SLC38A4: variants seen among roughly 807,000 people sequenced by gnomAD.
SLC38A4 encodes sodium-coupled neutral amino acid transporter 4.
A neutral mutation model predicts 63.1 loss-of-function variants in SLC38A4; 20 were observed. The ratio of observed to expected loss-of-function variants is 0.32; its 90% CI spans 0.22 to 0.46. The LOEUF (loss-of-function observed/expected upper bound fraction) is 0.46. Among genes scored for constraint, SLC38A4 ranks in the 20% least tolerant of loss-of-function variants. The pLI, the probability that SLC38A4 is intolerant of heterozygous loss-of-function variation, is 1.00. For missense variants in SLC38A4, 526 were observed against 663.6 expected, an observed-to-expected ratio of 0.79 and a Z score of 2.28; for synonymous variants, 230 against 225.5, an observed-to-expected ratio of 1.02 and a Z score of -0.18.
chr12:46,812,122 A>G (rs571923658), intron 1 of SLC38A4, among the ~76,000 whole-genome samples: 71 of 152,130 alleles, frequency 4.7e-4, no homozygotes, highest in African/African-American at 1.6e-3. Context: ...TTCCTTAATT[A>G]TTTCTTAATA....
At position 46,825,355 on chromosome 12, in the gene SLC38A4, A is replaced by G. The variant is rs528858435; in HGVS notation, c.-305+548T>C. 1.8e-4 allele frequency among the ~76,000 whole-genome samples: 27 copies of G among 150,312 alleles called. No homozygotes were observed. The East Asian group carries it at 5.1e-3, about 28-fold the overall frequency. ...TTCCTTACAGATGCCTCTGTACAGA[A>G]AGAATAATGAAATATAGCATAGTGG... On this transcript the variant is annotated intron_variant, in intron 1 of 16. Coordinates refer to ENST00000266579, the MANE Select transcript of SLC38A4 (RefSeq NM_018018.5).
Position 46,778,562 on chromosome 12 carries a change from A to T in SLC38A4, c.932T>A (p.Val311Glu), listed in dbSNP as rs750201030. The stretch of plus-strand genomic sequence containing the variant: ...GTCATCACTATGAGCTTCATATTCT[A>T]CTCCACTGTCATGAAGAGAGCCCTT... The part of the protein sequence containing the change: ...QAKGSLHDSG[V>E]EYEAHSDDKC... Residue 311 changes from valine to glutamate, a missense_variant, in exon 11 of 17, where the codon GTA (valine) becomes GAA (glutamate). Physicochemically the swap from Val to Glu is moderately radical, Grantham distance 121 (BLOSUM62 -2). Coordinates refer to ENST00000266579, the MANE Select transcript of SLC38A4 (RefSeq NM_018018.5). 3.7e-6 allele frequency: 6 copies of T among 1,612,750 alleles called. No individual in the cohort carries two copies. Among genetic ancestry groups the T allele is most frequent in the Non-Finnish European group, 4.2e-6 (5 of 1,179,330 alleles).
At position 46,773,180 on chromosome 12, in the gene SLC38A4, C is replaced by T. The variant is rs561741645; in HGVS notation, c.1299+1869G>A. On this transcript the variant is annotated intron_variant, in intron 14 of 16. Transcript: ENST00000266579. Reference sequence around the variant, plus strand: ...CCCAGATCCTCAACCCAGCTGAATTCGTAGCACATGTCACCAAGGGAAAGA... The same window carrying T: ...CCCAGATCCTCAACCCAGCTGAATTTGTAGCACATGTCACCAAGGGAAAGA... 1.5e-4 allele frequency among the ~76,000 whole-genome samples: 23 copies of T among 152,178 alleles called. No individual in the cohort carries two copies. The East Asian group carries it at 2.3e-3, about 15-fold the overall frequency.
chr12:46,778,954 C>A (rs1283835418), intron 10 of SLC38A4, among the ~76,000 whole-genome samples, 178 bp from the exon 11 acceptor site: 2 of 151,894 alleles, frequency 1.3e-5, no homozygotes, highest in Non-Finnish European at 2.9e-5. Flanking sequence ...AGAGTTGGAG[C>A]TGTGATTGGC....
At chr12:46,811,503 T>C (rs1939339393) in intron 1 of SLC38A4, among the ~76,000 whole-genome samples, 1 of 151,972 alleles carries the variant, frequency 6.6e-6, no homozygotes, top group African/African-American at 2.4e-5. Flanking sequence ...TCTGAAAGAA[T>C]AGAAAACACC....
chr12:46,805,721 A>G (rs1426746455), intron 1 of SLC38A4, among the ~76,000 whole-genome samples: 1 of 152,096 alleles, frequency 6.6e-6, no homozygotes, highest in Non-Finnish European at 1.5e-5. Context: ...AGAGCTAATC[A>G]TCAGAATATG....
chr12:46,823,874 G>C (rs1939598098), intron 1 of SLC38A4, among the ~76,000 whole-genome samples: 1 of 152,154 alleles, frequency 6.6e-6, no homozygotes, highest in South Asian at 2.1e-4. Context: ...CAGTTTCAAG[G>C]TTTCTCATGC....
intron 1 of SLC38A4, among the ~76,000 whole-genome samples, chr12:46,822,781 G>T (rs1181536684): frequency 6.6e-6 from 1 of 152,154 alleles, no homozygotes; most frequent in African/African-American, 2.4e-5. Flanking sequence ...AAAATAGAAT[G>T]TTTGTATAGA....
chr12:46,780,191 G>C (rs1431603673), intron 7 of SLC38A4, among the ~76,000 whole-genome samples, 161 bp from the exon 8 acceptor site: 1 of 152,006 alleles, frequency 6.6e-6, no homozygotes, highest in East Asian at 1.9e-4. Context: ...TTCCAAGATA[G>C]ACATTTGACC....
intron 1 of SLC38A4, among the ~76,000 whole-genome samples, chr12:46,820,325 C>T (rs1939516795): frequency 6.6e-6 from 1 of 152,002 alleles, no homozygotes; most frequent in Non-Finnish European, 1.5e-5. Context: ...TTAAGAGCAA[C>T]TCTCCATTCC....
intron 1 of SLC38A4, among the ~76,000 whole-genome samples, chr12:46,804,341 G>A (rs1939188165): frequency 6.6e-6 from 1 of 151,646 alleles, no homozygotes; most frequent in Non-Finnish European, 1.5e-5. Flanking sequence ...AAATCTACTT[G>A]GCTCTCAACA....
intron 3 of SLC38A4, among the ~76,000 whole-genome samples, chr12:46,792,469 A>G (rs1484358994): frequency 6.6e-6 from 1 of 152,126 alleles, no homozygotes; most frequent in East Asian, 1.9e-4. Context: ...GGCAATTTAG[A>G]CACAGTAATG....
intron 2 of SLC38A4, among the ~76,000 whole-genome samples, chr12:46,801,334 T>A (rs1167301963): frequency 1.3e-5 from 2 of 152,128 alleles, no homozygotes; most frequent in East Asian, 3.9e-4. Context: ...AACAGTAAAT[T>A]TCTTAAATTT....
Position 46,788,634 on chromosome 12 carries a change from C to CAT in SLC38A4, c.120-17_120-16insAT, listed in dbSNP as rs1223097963. 1 of 1,594,556 alleles carries CAT rather than the reference C, an allele frequency of 6.3e-7. No individual in the cohort carries two copies. The highest frequency in any genetic ancestry group is 1.1e-5 in the South Asian group (1 of 90,608). On this transcript the variant is annotated splice_polypyrimidine_tract_variant and intron_variant, in intron 3 of 16. Transcript: ENST00000266579. ...AGCAAATTGACTGAACACACACACA[C>CAT]ACAAATAAGAAAGTGAAAACATCTA... is the stretch of plus-strand genomic sequence containing the variant.
chr12:46,789,620 A>G (rs917625935), intron 3 of SLC38A4, among the ~76,000 whole-genome samples: 47 of 152,310 alleles, frequency 3.1e-4, no homozygotes, highest in African/African-American at 1.1e-3. Context: ...TTGCATTTTT[A>G]TACTGCAAAA....
At chr12:46,807,276 CT>C (rs200290876) in intron 1 of SLC38A4, among the ~76,000 whole-genome samples, 1,790 of 151,962 alleles carry the variant, frequency 0.012, 19 homozygotes, top group Non-Finnish European at 0.02. Flanking sequence ...GGTCATCTCC[CT>C]TTTTTCTTGC....
chr12:46,787,917 T>C lies in SLC38A4; in HGVS notation c.325A>G (p.Ile109Val). The C allele has an allele frequency of 6.2e-7, 1 of 1,609,238 alleles. No individual in the cohort carries two copies. Among genetic ancestry groups the C allele is most frequent in the Non-Finnish European group, 8.5e-7 (1 of 1,176,116 alleles). ...AMANTGIILF[I>V]IMLLAVAILS... Reference sequence around the variant, plus strand: ...ATGTAGACATATACATTCACTTACATAAAAAGTATGATCCCTGTGTTGGCC... The same window carrying C: ...ATGTAGACATATACATTCACTTACACAAAAAGTATGATCCCTGTGTTGGCC... Residue 109 changes from isoleucine (I) to valine (V), a missense_variant and splice_region_variant, in exon 5 of 17, where the codon ATA becomes GTA. Physicochemically the swap from Ile to Val is conservative, Grantham distance 29. Coordinates refer to ENST00000266579, the MANE Select transcript of SLC38A4 (RefSeq NM_018018.5).
chr12:46,783,286 G>C (rs1271332789), intron 7 of SLC38A4, among the ~76,000 whole-genome samples: 2 of 116,436 alleles, frequency 1.7e-5, no homozygotes, highest in Non-Finnish European at 2.0e-5. Flanking sequence ...AAGATAGATA[G>C]ATATGGGCAT....
At chr12:46,792,809 C>A in intron 3 of SLC38A4, 144 bp downstream of exon 3, 1 of 664,674 alleles carries the variant, frequency 1.5e-6, no homozygotes, top group South Asian at 1.7e-5. Flanking sequence ...ATTTCAGGAC[C>A]AGGGAATTGA....
Sources: allele counts gnomAD v4.1 joint callset (sites outside exome capture counted in the v4.1 genomes callset), GRCh38; gene constraint gnomAD v4.1.1; transcripts MANE v1.5; gene names NCBI Gene and HGNC (gene_info 2026-07-23, HGNC 2026-07-21).